The following STMN2 variants were observed in gnomAD, a reference collection of about 807,000 sequenced individuals.
STMN2 encodes stathmin-2.
A neutral mutation model predicts 24.1 loss-of-function variants in STMN2; 2 were observed. The observed-to-expected ratio is 0.08, with a 90% confidence interval of 0.03 to 0.26. The LOEUF (loss-of-function observed/expected upper bound fraction) is 0.26. STMN2 is among the 10% of genes least tolerant of loss of function. STMN2 has a pLI of 1.00. For synonymous variants in STMN2, 83 were observed against 77.5 expected (o/e 1.07, Z -0.37); for missense variants, 114 against 213.6 (o/e 0.53, Z 2.91).
chr8:79,651,971 T>C (rs905786360), intron 3 of STMN2, among the ~76,000 whole-genome samples: 1 of 152,186 alleles, frequency 6.6e-6, no homozygotes, highest in Non-Finnish European at 1.5e-5. Flanking sequence ...GAAACACTGA[T>C]CTATGGGAGG....
intron 1 of STMN2, among the ~76,000 whole-genome samples, chr8:79,618,920 T>C (rs1809447396): frequency 6.6e-6 from 1 of 152,202 alleles, no homozygotes; most frequent in African/African-American, 2.4e-5. Context: ...CACTTGTTGT[T>C]GACCTCCAGA....
intron 4 of STMN2, among the ~76,000 whole-genome samples, chr8:79,661,987 T>C (rs928054922): frequency 6.6e-6 from 1 of 152,102 alleles, no homozygotes; most frequent in Non-Finnish European, 1.5e-5. Flanking sequence ...ATAGATGGAA[T>C]TGACATCCTA....
At chr8:79,639,933 G>A (rs1810054702) in intron 2 of STMN2, among the ~76,000 whole-genome samples, 1 of 152,202 alleles carries the variant, frequency 6.6e-6, no homozygotes, top group Non-Finnish European at 1.5e-5. Context: ...CGGGCGTGGT[G>A]GCTCACGCCT....
At chr8:79,641,687 A>G in intron 3 of STMN2, 137 bp downstream of exon 3, 1 of 777,520 alleles carries the variant, frequency 1.3e-6, no homozygotes, top group East Asian at 2.7e-5. Flanking sequence ...GAGAGCAATG[A>G]CAGCTGAACC....
chr8:79,649,861 T>G (rs572386446), intron 3 of STMN2, among the ~76,000 whole-genome samples: 1 of 152,330 alleles, frequency 6.6e-6, no homozygotes, highest in East Asian at 1.9e-4. Context: ...AATATACAAA[T>G]TGGTAATTAA....
intron 3 of STMN2, among the ~76,000 whole-genome samples, chr8:79,652,440 T>C (rs1810353755): frequency 6.6e-6 from 1 of 152,160 alleles, no homozygotes; most frequent in Non-Finnish European, 1.5e-5. Context: ...TCAGTGGGCA[T>C]GCATGAGGTG....
intron 3 of STMN2, among the ~76,000 whole-genome samples, chr8:79,648,837 T>C (rs1233826012): frequency 2.0e-5 from 3 of 152,092 alleles, no homozygotes; most frequent in Non-Finnish European, 2.9e-5. Context: ...GTAATAGATA[T>C]ATAAATAGGT....
Position 79,659,408 on chromosome 8 carries a change from A to G in STMN2, c.480+4346A>G, listed in dbSNP as rs149852466. On this transcript the variant is annotated intron_variant, in intron 4 of 4. Transcript: ENST00000220876. ...AAGAGAGGAAGATGAGAGAAAGGAA[A>G]GAGAGGGGGAAACACCTGTTCTTGA... 9.3e-4 allele frequency among the ~76,000 whole-genome samples: 142 copies of G among 152,310 alleles called. 1 individual carries two copies. The highest frequency in any genetic ancestry group is 3.2e-3 in the African/African-American group (133 of 41,588).
intron 1 of STMN2, among the ~76,000 whole-genome samples, chr8:79,618,236 T>C (rs1809428602): frequency 6.6e-6 from 1 of 152,222 alleles, no homozygotes; most frequent in Non-Finnish European, 1.5e-5. Context: ...CTGGGGCTTA[T>C]TCAAATAATT....
chr8:79,644,289 T>C (rs1182042911), intron 3 of STMN2, among the ~76,000 whole-genome samples: 1 of 152,226 alleles, frequency 6.6e-6, no homozygotes. Context: ...ATCAGAAAAC[T>C]TTCTTTCAGT....
intron 3 of STMN2, among the ~76,000 whole-genome samples, chr8:79,641,940 G>A (rs1244438137): frequency 1.3e-5 from 2 of 151,970 alleles, no homozygotes; most frequent in East Asian, 3.9e-4. Context: ...TCCAGTGGTG[G>A]GGAGGGGAAG....
Position 79,664,996 on chromosome 8 carries a change from AAAAAAAC to A in STMN2, c.*129_*135del, listed in dbSNP as rs1451375596. 1.2e-6 allele frequency: 1 copy of A among 860,854 alleles called. No homozygotes were observed. Among genetic ancestry groups the A allele is most frequent in the East Asian group, 3.5e-5 (1 of 28,572 alleles). The allele number at this position is 860,854 out of a possible 1,614,324, so 53.3% of individuals were successfully genotyped here. On this transcript the variant is annotated 3_prime_UTR_variant, in exon 5 of 5. Transcript: ENST00000220876. ...TTTAAAAAGAACTCATTATAAAAAA[AAAAAAAC>A]AAAAAAAATCAAAAATTAAAAAAAA...
chr8:79,611,267 C>A, intron 1 of STMN2, 53 bp downstream of exon 1: 1 of 1,608,868 alleles, frequency 6.2e-7, no homozygotes, highest in Non-Finnish European at 8.5e-7. Context: ...CCACCTCTCA[C>A]CTCCTCTCTT....
At chr8:79,657,679 T>C (rs1303345116) in intron 4 of STMN2, among the ~76,000 whole-genome samples, 1 of 152,236 alleles carries the variant, frequency 6.6e-6, no homozygotes, top group East Asian at 1.9e-4. Context: ...TCTAATAGGA[T>C]CTTTGGCCAG....
intron 1 of STMN2, among the ~76,000 whole-genome samples, chr8:79,630,524 T>C (rs1159352396): frequency 6.6e-6 from 1 of 152,216 alleles, no homozygotes; most frequent in African/African-American, 2.4e-5. Flanking sequence ...CTCTGGACAT[T>C]GGCCCCACAA....
intron 3 of STMN2, among the ~76,000 whole-genome samples, chr8:79,653,581 T>C (rs1328926910): frequency 6.6e-6 from 1 of 152,136 alleles, no homozygotes; most frequent in East Asian, 1.9e-4. Context: ...TGAAGAGAAG[T>C]TTCTCCTTTC....
chr8:79,662,163 C>T (rs1279687786), intron 4 of STMN2, among the ~76,000 whole-genome samples: 1 of 152,048 alleles, frequency 6.6e-6, no homozygotes. Flanking sequence ...CTAAAATCAA[C>T]TTTCATACAT....
At chr8:79,646,517 G>A (rs773034792) in intron 3 of STMN2, among the ~76,000 whole-genome samples, 4 of 152,016 alleles carry the variant, frequency 2.6e-5, no homozygotes, top group Non-Finnish European at 4.4e-5. Context: ...GGAGTAGGGC[G>A]GGCAGCTCTT....
intron 1 of STMN2, among the ~76,000 whole-genome samples, chr8:79,614,547 C>T (rs1046526963): frequency 6.6e-6 from 1 of 152,188 alleles, no homozygotes; most frequent in Admixed American, 6.5e-5. Context: ...CAGTGTAACA[C>T]GTCGCAGGTA....
Sources: gnomAD v4.1 joint callset for allele counts (sites outside exome capture counted in the v4.1 genomes callset) on GRCh38, gnomAD v4.1.1 for gene constraint, MANE v1.5 for transcripts, NCBI Gene and HGNC (gene_info 2026-07-23, HGNC 2026-07-21) for gene names.